Variants in DCBLD2 observed in about 807,000 individuals in gnomAD.
The protein encoded by DCBLD2 is discoidin, CUB and LCCL domain containing 2.
A neutral mutation model predicts 86.8 loss-of-function variants in DCBLD2; 54 were observed. That is an observed-to-expected ratio of 0.62 (90% CI 0.50 to 0.78). The LOEUF is 0.78. Among genes scored for constraint, DCBLD2 ranks in the 30% least tolerant of loss-of-function variants. The pLI is 0.00. For missense variants in DCBLD2, 908 were observed against 954.2 expected, an observed-to-expected ratio of 0.95 and a Z score of 0.64; for synonymous variants, 354 against 341.3, an observed-to-expected ratio of 1.04 and a Z score of -0.41.
At chr3:98,840,204 G>A (rs922740429) in intron 3 of DCBLD2, among the ~76,000 whole-genome samples, 1 of 152,176 alleles carries the variant, frequency 6.6e-6, no homozygotes, top group Non-Finnish European at 1.5e-5. Flanking sequence ...TGCCGTAATT[G>A]AGGTAAAAGT....
At chr3:98,822,998 G>A (rs1303594024) in intron 4 of DCBLD2, among the ~76,000 whole-genome samples, 3 of 152,050 alleles carry the variant, frequency 2.0e-5, no homozygotes, top group African/African-American at 7.2e-5. Context: ...TCAGCCTCCC[G>A]AGTAGCTGGG....
At chr3:98,861,823 A>C (rs1943049771) in intron 2 of DCBLD2, among the ~76,000 whole-genome samples, 1 of 152,206 alleles carries the variant, frequency 6.6e-6, no homozygotes, top group African/African-American at 2.4e-5. Flanking sequence ...GAACTAGAGA[A>C]GCAAGAGCAA....
At chr3:98,877,597 T>A (rs977423455) in intron 2 of DCBLD2, among the ~76,000 whole-genome samples, 21 of 143,630 alleles carry the variant, frequency 1.5e-4, no homozygotes, top group Non-Finnish European at 2.5e-4. Flanking sequence ...ATATAACAGG[T>A]ACATGTATAT....
chr3:98,802,545 G>A (rs1340432553), intron 13 of DCBLD2, among the ~76,000 whole-genome samples: 1 of 152,146 alleles, frequency 6.6e-6, no homozygotes, highest in Non-Finnish European at 1.5e-5. Flanking sequence ...CTGTGCAGAA[G>A]CTGTTTAGTT....
intron 2 of DCBLD2, among the ~76,000 whole-genome samples, chr3:98,861,431 C>A (rs1347874348): frequency 6.6e-6 from 1 of 152,200 alleles, no homozygotes; most frequent in Admixed American, 6.5e-5. Context: ...ACGTTCTTCT[C>A]AGCACCACAT....
intron 3 of DCBLD2, among the ~76,000 whole-genome samples, chr3:98,836,912 G>GAT (rs1942472265): frequency 1.3e-5 from 1 of 79,760 alleles, no homozygotes; most frequent in African/African-American, 4.9e-5. Flanking sequence ...CGGCTGGCCG[G>GAT]GCGGGGGGCT....
rs1385460843 is a variant in DCBLD2 at position 98,865,739 on chromosome 3, G to A, written c.433+15801C>T. ...ATATATATTTTGTATTATACTTTAA[G>A]TTCTAGGGTACATGTGCACAACGTG... On this transcript the variant is annotated intron_variant, in intron 2 of 15. Coordinates refer to ENST00000326840, the MANE Select transcript of DCBLD2 (RefSeq NM_080927.4). 4.6e-5 allele frequency among the ~76,000 whole-genome samples: 7 copies of A among 151,864 alleles called. No homozygotes were observed. In the South Asian group the frequency reaches 6.2e-4, roughly 14 times the overall value.
chr3:98,867,809 T>A (rs553586423), intron 2 of DCBLD2, among the ~76,000 whole-genome samples: 1 of 132,210 alleles, frequency 7.6e-6, no homozygotes, highest in Non-Finnish European at 1.7e-5. Context: ...TGTTTTTTGT[T>A]TTTTTTTTTT....
intron 1 of DCBLD2, among the ~76,000 whole-genome samples, chr3:98,892,308 CTT>C (rs1459501168): frequency 1.3e-5 from 2 of 152,036 alleles, no homozygotes; most frequent in East Asian, 3.9e-4. Flanking sequence ...ACAGTGGTCT[CTT>C]TATAAATGTA....
chr3:98,867,116 A>G (rs1295392729), intron 2 of DCBLD2, among the ~76,000 whole-genome samples: 7 of 152,146 alleles, frequency 4.6e-5, no homozygotes, highest in Admixed American at 4.6e-4. Context: ...GTAGCCTTGT[A>G]GTATAGTTTG....
chr3:98,816,474 G>A (rs1409045742), intron 9 of DCBLD2, among the ~76,000 whole-genome samples: 2 of 152,158 alleles, frequency 1.3e-5, no homozygotes, highest in Non-Finnish European at 2.9e-5. Context: ...GTAAAGAGTA[G>A]TCAAGTTTAG....
chr3:98,893,966 C>T (rs1440157), intron 1 of DCBLD2, among the ~76,000 whole-genome samples: 147,971 of 152,296 alleles, frequency 0.97, 72,044 homozygotes, highest in East Asian at 1. Context: ...GATCTAATCA[C>T]GATGACCACA....
intron 2 of DCBLD2, among the ~76,000 whole-genome samples, chr3:98,856,503 C>T (rs545831146): frequency 6.6e-6 from 1 of 151,906 alleles, no homozygotes; most frequent in Non-Finnish European, 1.5e-5. Context: ...TAAAAATACA[C>T]AGTATAAAAA....
rs1191449370 is a variant in DCBLD2 at position 98,801,735 on chromosome 3, G to A, written c.1671-86C>T. Reference sequence around the variant, plus strand: ...CCTACCCCATGACAGGCCTTGGTATGTGATATTCCCCTTCCTGTGTCCAAG... The same window carrying A: ...CCTACCCCATGACAGGCCTTGGTATATGATATTCCCCTTCCTGTGTCCAAG... On this transcript the variant is annotated intron_variant, in intron 13 of 15. Transcript: ENST00000326840. The A allele has an allele frequency of 5.4e-6, 5 of 919,078 alleles. No individual in the cohort carries two copies. In the Admixed American group the frequency reaches 9.9e-5, roughly 18 times the overall value. 56.9% of individuals were successfully genotyped at this position (919,078 alleles called of 1,614,324 possible). A position where few individuals can be genotyped will look rare whatever the true frequency, so the allele number is the denominator to read the frequency against.
In DCBLD2 at chr3:98,799,769, CCTT is replaced by C. The variant is rs1219961465; in HGVS notation, c.1928_1930del (p.Glu643del). ...TAGGTCTGCATAGCCTGCTTCTTTTCCTTCTTCTGGTTTAAAGGTAGATCTTTG... is the reference window on the plus strand; with the variant it reads ...TAGGTCTGCATAGCCTGCTTCTTTTCCTTCTGGTTTAAAGGTAGATCTTTG... On this transcript the variant is annotated inframe_deletion, in exon 16 of 16. Coordinates refer to ENST00000326840, the MANE Select transcript of DCBLD2 (RefSeq NM_080927.4). 3.1e-6 allele frequency: 5 copies of C among 1,613,806 alleles called. No individual in the cohort carries two copies. The highest frequency in any genetic ancestry group is 2.7e-5 in the African/African-American group (2 of 74,920).
chr3:98,801,076 C>T (rs947046488), intron 14 of DCBLD2, among the ~76,000 whole-genome samples: 1 of 152,222 alleles, frequency 6.6e-6, no homozygotes, highest in Non-Finnish European at 1.5e-5. Context: ...AGTGAACTCT[C>T]CTGGCTCCTA....
intron 3 of DCBLD2, among the ~76,000 whole-genome samples, chr3:98,842,311 G>A (rs894485438): frequency 3.9e-5 from 6 of 152,170 alleles, no homozygotes; most frequent in African/African-American, 1.2e-4. Context: ...GCTAAAGGAT[G>A]TAGGATAAGC....
At chr3:98,890,637 T>A (rs1299328140) in intron 1 of DCBLD2, among the ~76,000 whole-genome samples, 1 of 152,052 alleles carries the variant, frequency 6.6e-6, no homozygotes, top group Admixed American at 6.6e-5. Flanking sequence ...GCATCTGGCA[T>A]TGCTGGCACT....
chr3:98,827,451 T>C (rs1389252749), intron 3 of DCBLD2, among the ~76,000 whole-genome samples: 1 of 152,188 alleles, frequency 6.6e-6, no homozygotes, highest in African/African-American at 2.4e-5. Context: ...ATGCCAGAAA[T>C]CTGGTCAACT....
Sources: allele counts gnomAD v4.1 joint callset (sites outside exome capture counted in the v4.1 genomes callset), GRCh38; gene constraint gnomAD v4.1.1; transcripts MANE v1.5; gene names NCBI Gene and HGNC (gene_info 2026-07-23, HGNC 2026-07-21).